Variants in MAP4K4 observed in about 807,000 individuals in gnomAD.
The protein encoded by MAP4K4 is HPK/GCK-like kinase HGK.
MAP4K4 carries 38 observed loss-of-function variants against 189.6 expected under a neutral mutation model. That is an observed-to-expected ratio of 0.20 (90% confidence interval 0.15 to 0.26). The LOEUF (loss-of-function observed/expected upper bound fraction) is 0.26. Among genes scored for constraint, MAP4K4 ranks in the 10% least tolerant of loss-of-function variants. MAP4K4 has a pLI of 1.00. For synonymous variants in MAP4K4, 610 were observed against 624.3 expected (o/e 0.98, Z 0.34); for missense variants, 1,054 against 1,726.9 (o/e 0.61, Z 6.91).
At chr2:101,867,592 T>G (rs2097853913) in intron 20 of MAP4K4, 1 of 361,496 alleles carries the variant, frequency 2.8e-6, no homozygotes, top group Admixed American at 4.3e-5. Flanking sequence ...CAAAGTATAG[T>G]TCTTATTTAA....
At position 101,825,306 on chromosome 2, in the gene MAP4K4, G is replaced by A. The variant is rs528625384; in HGVS notation, c.307-13G>A. On this transcript the variant is annotated splice_polypyrimidine_tract_variant and intron_variant, in intron 4 of 32. Coordinates refer to ENST00000324219, the Ensembl canonical transcript of MAP4K4. ...AGATATGTTGCTCACCTTGTGTCTT[G>A]TCTGCCCTATAGCTTGTTATGGAGT... 3 of 1,559,072 alleles carry A rather than the reference G, an allele frequency of 1.9e-6. No homozygotes were observed. The African/African-American group carries it at 4.1e-5, about 21-fold the overall frequency.
intron 16 of MAP4K4, chr2:101,861,877 G>A (rs2149866685): frequency 6.6e-6 from 1 of 151,970 alleles, no homozygotes; most frequent in Non-Finnish European, 1.5e-5. Flanking sequence ...CATGTGTGGG[G>A]GACAAAAGTT....
At chr2:101,741,019 C>T (rs1670501943) in intron 2 of MAP4K4, among the ~76,000 whole-genome samples, 1 of 152,148 alleles carries the variant, frequency 6.6e-6, no homozygotes, top group South Asian at 2.1e-4. Flanking sequence ...TTATTTATCA[C>T]TTAAAGCCAT....
chr2:101,714,815 T>C (rs1192562772), intron 2 of MAP4K4, among the ~76,000 whole-genome samples: 1 of 152,180 alleles, frequency 6.6e-6, no homozygotes, highest in Admixed American at 6.5e-5. Context: ...TAGGCTGCAG[T>C]CCACTTCGGG....
At chr2:101,875,284 G>T (rs2098167117) in intron 26 of MAP4K4, among the ~76,000 whole-genome samples, 2 of 151,684 alleles carry the variant, frequency 1.3e-5, no homozygotes, top group South Asian at 4.1e-4. Context: ...CCAACCTCAA[G>T]AATAAAATTA....
At chr2:101,771,622 T>C (rs1646195999) in intron 2 of MAP4K4, among the ~76,000 whole-genome samples, 1 of 152,190 alleles carries the variant, frequency 6.6e-6, no homozygotes, top group Non-Finnish European at 1.5e-5. Context: ...TAGTTGAATT[T>C]TGTTAAATCC....
intron 2 of MAP4K4, among the ~76,000 whole-genome samples, chr2:101,779,607 A>G (rs1189386563): frequency 6.6e-6 from 1 of 151,986 alleles, no homozygotes; most frequent in Non-Finnish European, 1.5e-5. Flanking sequence ...ACATGCCGAG[A>G]CAAGAGCTCT....
intron 2 of MAP4K4, among the ~76,000 whole-genome samples, chr2:101,759,088 G>C (rs569378507): frequency 6.6e-6 from 1 of 150,816 alleles, no homozygotes; most frequent in Non-Finnish European, 1.5e-5. Context: ...AGCCGAGATC[G>C]CGTCACTGCA....
chr2:101,859,972 A>T (rs1239294247), intron 15 of MAP4K4, 108 bp downstream of exon 15: 11 of 1,121,816 alleles, frequency 9.8e-6, no homozygotes, highest in Non-Finnish European at 1.4e-5. Flanking sequence ...TTAGCTAATT[A>T]TCTGGTTTCT....
intron 2 of MAP4K4, among the ~76,000 whole-genome samples, chr2:101,723,923 C>T (rs1245833835): frequency 6.6e-6 from 1 of 152,138 alleles, no homozygotes; most frequent in East Asian, 1.9e-4. Context: ...CTCCTGGCCA[C>T]CATTGTTTAC....
intron 2 of MAP4K4, among the ~76,000 whole-genome samples, chr2:101,741,697 G>A (rs767417653): frequency 7.2e-5 from 11 of 152,124 alleles, no homozygotes; most frequent in Non-Finnish European, 1.5e-4. Context: ...AAGTCCTGAG[G>A]CTAAAAACTT....
Position 101,835,988 on chromosome 2 carries a change from A to C in MAP4K4, c.773+10A>C, listed in dbSNP as rs1324915240. 1 of 1,600,828 alleles carries C rather than the reference A, an allele frequency of 6.2e-7. No homozygotes were observed. The highest frequency in any genetic ancestry group is 1.7e-5 in the Admixed American group (1 of 59,936). On this transcript the variant is annotated intron_variant, in intron 9 of 32. Transcript: ENST00000324219. The stretch of plus-strand genomic sequence containing the variant: ...TGAAGTCAAAAAAATGGTAAGCTAT[A>C]TATGGTTTTTTGTTGTTCTTTTCCC...
At position 101,699,904 on chromosome 2, in the gene MAP4K4, A is replaced by ATCC. The variant is rs1469249007; in HGVS notation, c.123+1366_123+1367insTCC. ...CTTGCCCGGCTCAACTGAATTTGGA[A>ATCC]GGCTTTGGAAAATTTTGGAAAAGAT... On this transcript the variant is annotated intron_variant, in intron 2 of 32. Transcript: ENST00000324219. Among the ~76,000 whole-genome samples, 172 of 152,344 alleles carry ATCC rather than the reference A, an allele frequency of 1.1e-3. 1 individual carries two copies. Among genetic ancestry groups the ATCC allele is most frequent in the Non-Finnish European group, 3.8e-4 (26 of 68,032 alleles).
intron 3 of MAP4K4, among the ~76,000 whole-genome samples, chr2:101,806,406 C>CGA (rs2094934386): frequency 7.0e-6 from 1 of 143,568 alleles, no homozygotes; most frequent in African/African-American, 2.6e-5. Context: ...GACGGAATCT[C>CGA]GCTCTGTCAC....
At chr2:101,883,050 T>G (rs2098424991) in intron 28 of MAP4K4, among the ~76,000 whole-genome samples, 3 of 152,244 alleles carry the variant, frequency 2.0e-5, no homozygotes, top group Non-Finnish European at 4.4e-5. Context: ...GGAAATCTTG[T>G]CAGTGGAAGC....
At chr2:101,863,857 G>A (rs771177701) in exon 17 of MAP4K4, 5 of 1,367,598 alleles carry the variant, frequency 3.7e-6, no homozygotes, top group African/African-American at 1.5e-5. Context: ...CAAGAACAAT[G>A]TTTCCCCTGT....
intron 3 of MAP4K4, among the ~76,000 whole-genome samples, chr2:101,822,338 C>T (rs747637992): frequency 6.6e-6 from 1 of 152,162 alleles, no homozygotes; most frequent in Non-Finnish European, 1.5e-5. Context: ...TATGGGTTCA[C>T]TGTTGTATTT....
intron 2 of MAP4K4, among the ~76,000 whole-genome samples, chr2:101,775,684 C>T (rs900426576): frequency 6.6e-6 from 1 of 152,144 alleles, no homozygotes; most frequent in Non-Finnish European, 1.5e-5. Flanking sequence ...TTCAAATTCT[C>T]GAAGCCCAGG....
intron 31 of MAP4K4, 78 bp from the exon 32 acceptor site, chr2:101,888,718 A>G (rs570084244): frequency 5.8e-4 from 610 of 1,043,098 alleles, no homozygotes; most frequent in Admixed American, 1.1e-3. Context: ...ATAAAAATAT[A>G]TTTTTATTAA....
Sources: allele counts gnomAD v4.1 joint callset (sites outside exome capture counted in the v4.1 genomes callset), GRCh38; gene constraint gnomAD v4.1.1; transcripts MANE v1.5; gene names NCBI Gene and HGNC (gene_info 2026-07-23, HGNC 2026-07-21).